CHN1: variants seen among roughly 807,000 people sequenced by gnomAD.
CHN1 encodes chimerin 1.
A neutral mutation model predicts 59.5 loss-of-function variants in CHN1; 37 were observed. The ratio of observed to expected loss-of-function variants is 0.62; its 90% CI spans 0.48 to 0.82. The LOEUF is 0.82. Among genes scored for constraint, CHN1 ranks in the 40% least tolerant of loss-of-function variants. The pLI, the probability that CHN1 is intolerant of heterozygous loss-of-function variation, is 0.00. For missense variants in CHN1, 469 were observed against 571.0 expected (o/e 0.82, Z 1.82); for synonymous variants, 206 against 200.4 (o/e 1.03, Z -0.24).
At chr2:174,823,893 A>G (rs1045466227) in intron 8 of CHN1, among the ~76,000 whole-genome samples, 2 of 152,208 alleles carry the variant, frequency 1.3e-5, no homozygotes, top group Admixed American at 6.5e-5. Flanking sequence ...ATTTGATTTC[A>G]AAACATCACA....
chr2:174,925,150 G>A (rs977371059), intron 3 of CHN1, among the ~76,000 whole-genome samples: 1 of 152,106 alleles, frequency 6.6e-6, no homozygotes, highest in African/African-American at 2.4e-5. Flanking sequence ...GGCCAACAGG[G>A]CCCCAAAGAA....
chr2:174,870,327 T>TC (rs1190228095), intron 6 of CHN1, among the ~76,000 whole-genome samples: 1 of 152,184 alleles, frequency 6.6e-6, no homozygotes, highest in East Asian at 1.9e-4. Context: ...TTTGACCAGT[T>TC]GTAGTAATTT....
chr2:174,800,982 T>C (rs1684701205), intron 12 of CHN1, among the ~76,000 whole-genome samples: 1 of 152,252 alleles, frequency 6.6e-6, no homozygotes, highest in South Asian at 2.1e-4. Flanking sequence ...TAAAATATCA[T>C]TTTTATATAA....
chr2:174,828,679 T>A (rs1685774258), intron 7 of CHN1, among the ~76,000 whole-genome samples: 1 of 152,200 alleles, frequency 6.6e-6, no homozygotes, highest in Non-Finnish European at 1.5e-5. Flanking sequence ...ATTCAAAATA[T>A]AATTAAAAAG....
At chr2:174,989,887 G>A (rs1691479755) in intron 1 of CHN1, among the ~76,000 whole-genome samples, 1 of 151,922 alleles carries the variant, frequency 6.6e-6, no homozygotes, top group Non-Finnish European at 1.5e-5. Context: ...TAATATTAAT[G>A]TAAATAACAT....
chr2:174,864,404 G>A (rs1687153471), intron 6 of CHN1, among the ~76,000 whole-genome samples: 2 of 152,144 alleles, frequency 1.3e-5, no homozygotes, highest in South Asian at 2.1e-4. Context: ...TGTTGAAGAC[G>A]TAAATGTATG....
At chr2:174,826,115 T>C (rs559478918) in intron 7 of CHN1, among the ~76,000 whole-genome samples, 1 of 152,316 alleles carries the variant, frequency 6.6e-6, no homozygotes, top group African/African-American at 2.4e-5. Context: ...AAATTTTATG[T>C]TGATTTTGAA....
At chr2:174,822,936 G>T (rs1685550019) in intron 8 of CHN1, among the ~76,000 whole-genome samples, 1 of 152,322 alleles carries the variant, frequency 6.6e-6, no homozygotes, top group East Asian at 1.9e-4. Context: ...TCCTGTGGCA[G>T]GAAGGTCCTT....
intron 3 of CHN1, among the ~76,000 whole-genome samples, chr2:174,931,605 A>T (rs1689349912): frequency 6.6e-6 from 1 of 152,236 alleles, no homozygotes; most frequent in Admixed American, 6.5e-5. Flanking sequence ...TAGAGCTTCT[A>T]TTCTAGTAAG....
chr2:174,811,772 C>A (rs1324470227), intron 9 of CHN1, among the ~76,000 whole-genome samples, 184 bp from the exon 10 acceptor site: 1 of 152,188 alleles, frequency 6.6e-6, no homozygotes, highest in Non-Finnish European at 1.5e-5. Flanking sequence ...TACCTATTGT[C>A]ACCTGAATAT....
intron 1 of CHN1, among the ~76,000 whole-genome samples, chr2:174,976,423 C>T (rs1206126687): frequency 6.6e-6 from 1 of 151,730 alleles, no homozygotes; most frequent in Non-Finnish European, 1.5e-5. Flanking sequence ...ATTTTTAGTA[C>T]AGACGGGGTT....
chr2:174,907,751 C>T (rs1487067843), intron 5 of CHN1, among the ~76,000 whole-genome samples: 1 of 151,218 alleles, frequency 6.6e-6, no homozygotes, highest in African/African-American at 2.4e-5. Flanking sequence ...TTTTGGTGAT[C>T]ATTCTTTTAG....
intron 1 of CHN1, among the ~76,000 whole-genome samples, chr2:174,991,539 G>GA (rs1289802163): frequency 2.0e-5 from 3 of 152,150 alleles, no homozygotes; most frequent in Non-Finnish European, 4.4e-5. Flanking sequence ...AATTTCACAG[G>GA]AAACTTTTGG....
chr2:174,943,320 G>A (rs371237026), intron 3 of CHN1, among the ~76,000 whole-genome samples: 92 of 151,548 alleles, frequency 6.1e-4, no homozygotes, highest in African/African-American at 1.8e-3. Flanking sequence ...TCTGCCTCCC[G>A]GGTTCAAGCG....
intron 1 of CHN1, among the ~76,000 whole-genome samples, chr2:175,003,343 T>C (rs775924359): frequency 4.6e-5 from 7 of 152,256 alleles, no homozygotes; most frequent in Non-Finnish European, 1.0e-4. Flanking sequence ...TCTTATACTT[T>C]CTTCTATAGG....
At chr2:174,945,102 C>A in intron 2 of CHN1, 159 bp from the exon 3 acceptor site, 1 of 564,048 alleles carries the variant, frequency 1.8e-6, no homozygotes, top group South Asian at 2.8e-5. Flanking sequence ...GTAAACAAAA[C>A]TACATATAGT....
intron 5 of CHN1, among the ~76,000 whole-genome samples, chr2:174,878,760 T>C (rs1687649118): frequency 6.6e-6 from 1 of 152,280 alleles, no homozygotes; most frequent in Non-Finnish European, 1.5e-5. Flanking sequence ...TGGTTAGGTC[T>C]GTGCAAGAAA....
chr2:174,947,656 G>GT (rs997110589), intron 2 of CHN1, among the ~76,000 whole-genome samples: 1 of 151,628 alleles, frequency 6.6e-6, no homozygotes. Context: ...GCTAATTTTT[G>GT]TATTTTTTAT....
At chr2:174,920,874 AG>A (rs1050077231) in intron 3 of CHN1, 22 of 394,932 alleles carry the variant, frequency 5.6e-5, no homozygotes, top group Non-Finnish European at 9.3e-5. Flanking sequence ...TAGAATCAGT[AG>A]GAGCCCTGAG....
Sources: allele counts gnomAD v4.1 joint callset (sites outside exome capture counted in the v4.1 genomes callset), GRCh38; gene constraint gnomAD v4.1.1; transcripts MANE v1.5; gene names NCBI Gene and HGNC (gene_info 2026-07-23, HGNC 2026-07-21).